Variants in MEI4 observed in about 807,000 individuals in gnomAD.
The protein encoded by MEI4 is meiotic double-stranded break formation protein 4.
Under a neutral mutation model 31.4 loss-of-function variants are expected in MEI4, and 27 were observed. The observed-to-expected ratio is 0.86, with a 90% CI of 0.63 to 1.19. The LOEUF (loss-of-function observed/expected upper bound fraction) is 1.19, where lower values mean the gene tolerates loss of function less well. Among genes scored for constraint, MEI4 ranks in the 50% most tolerant of loss-of-function variants. MEI4 has a pLI of 0.00. For missense variants in MEI4, 329 were observed against 398.9 expected (o/e 0.82, Z 1.49); for synonymous variants, 122 against 145.4 (o/e 0.84, Z 1.16).
intron 4 of MEI4, among the ~76,000 whole-genome samples, chr6:77,837,371 G>C (rs1274453660): frequency 1.3e-5 from 2 of 152,144 alleles, no homozygotes; most frequent in Admixed American, 1.3e-4. Context: ...AATTAACCAG[G>C]AGGATGCAGT....
intron 3 of MEI4, among the ~76,000 whole-genome samples, chr6:77,804,157 A>C (rs1315791441): frequency 6.6e-6 from 1 of 152,054 alleles, no homozygotes; most frequent in African/African-American, 2.4e-5. Flanking sequence ...TTACCTACTC[A>C]AGCCTCAGCA....
chr6:77,904,169 A>C (rs980044536), intron 4 of MEI4, among the ~76,000 whole-genome samples: 3 of 151,830 alleles, frequency 2.0e-5, no homozygotes, highest in Non-Finnish European at 2.9e-5. Flanking sequence ...CCCTAGTGTT[A>C]TGCTTTGAAT....
intron 3 of MEI4, among the ~76,000 whole-genome samples, chr6:77,815,694 G>A (rs1244633297): frequency 6.6e-6 from 1 of 152,094 alleles, no homozygotes; most frequent in African/African-American, 2.4e-5. Context: ...GAAGGCATGT[G>A]CTGGAATGTT....
intron 3 of MEI4, among the ~76,000 whole-genome samples, chr6:77,807,989 A>G (rs1769482050): frequency 6.6e-6 from 1 of 152,202 alleles, no homozygotes; most frequent in African/African-American, 2.4e-5. Flanking sequence ...CAGCAATACT[A>G]TGTCTAAGCA....
Position 77,698,496 on chromosome 6 carries a change from G to A in MEI4, c.232+7593G>A, listed in dbSNP as rs1000925468. The stretch of plus-strand genomic sequence containing the variant: ...AAAATCTCTCAGCATTTGCTTGTCT[G>A]TAAAGGATTTTATTTCTCCTTTGCT... On this transcript the variant is annotated intron_variant, in intron 2 of 4. Coordinates refer to ENST00000684080, the MANE Select transcript of MEI4 (RefSeq NM_001322247.2). Among the ~76,000 whole-genome samples the A allele has an allele frequency of 2.0e-5, 3 of 152,168 alleles. No individual in the cohort carries two copies. In the South Asian group the frequency reaches 6.2e-4, roughly 31 times the overall value.
chr6:77,814,218 G>C (rs1195560023), intron 3 of MEI4, among the ~76,000 whole-genome samples: 1 of 152,086 alleles, frequency 6.6e-6, no homozygotes, highest in Non-Finnish European at 1.5e-5. Flanking sequence ...ATGACTCTCA[G>C]CATAGTTTAG....
At chr6:77,704,086 G>A (rs180733666) in intron 2 of MEI4, among the ~76,000 whole-genome samples, 20 of 152,278 alleles carry the variant, frequency 1.3e-4, no homozygotes, top group South Asian at 6.2e-4. Flanking sequence ...AATACAGAGC[G>A]CAAGTGGAAA....
intron 1 of MEI4, among the ~76,000 whole-genome samples, chr6:77,665,703 G>T (rs1424477141): frequency 1.3e-5 from 2 of 152,170 alleles, no homozygotes; most frequent in Non-Finnish European, 2.9e-5. Flanking sequence ...GGAGTTTTGG[G>T]TCCACAGATA....
chr6:77,651,360 G>C (rs536637517), upstream of MEI4, among the ~76,000 whole-genome samples: 246 of 152,284 alleles, frequency 1.6e-3, no homozygotes, highest in Middle Eastern at 3.4e-3. Flanking sequence ...GAAAAGCTTT[G>C]AATGGTTTTA....
At chr6:77,866,184 C>G (rs1198245944) in intron 4 of MEI4, among the ~76,000 whole-genome samples, 4 of 151,934 alleles carry the variant, frequency 2.6e-5, no homozygotes, top group Non-Finnish European at 5.9e-5. Flanking sequence ...CAGGGATGCC[C>G]TCTCTCACCA....
intron 4 of MEI4, among the ~76,000 whole-genome samples, chr6:77,831,381 C>A (rs1770075887): frequency 6.6e-6 from 1 of 151,668 alleles, no homozygotes; most frequent in South Asian, 2.1e-4. Flanking sequence ...ACCATATGAT[C>A]CAAGAATCCC....
intron 3 of MEI4, among the ~76,000 whole-genome samples, chr6:77,805,134 T>C (rs1002628912): frequency 1.3e-5 from 2 of 152,112 alleles, no homozygotes; most frequent in Admixed American, 1.3e-4. Context: ...AGAGAAAAAA[T>C]ACCTTTGGGT....
intron 2 of MEI4, among the ~76,000 whole-genome samples, chr6:77,715,656 AG>A (rs1355078252): frequency 6.6e-6 from 1 of 152,102 alleles, no homozygotes; most frequent in African/African-American, 2.4e-5. Context: ...GTACTTACAG[AG>A]TTCTCATTTG....
chr6:77,779,188 A>C (rs1768531755), intron 3 of MEI4, among the ~76,000 whole-genome samples: 1 of 152,188 alleles, frequency 6.6e-6, no homozygotes, highest in Non-Finnish European at 1.5e-5. Flanking sequence ...AAAGAAGTTA[A>C]AGAATTGGAG....
At chr6:77,710,681 G>C (rs1219977942) in intron 2 of MEI4, among the ~76,000 whole-genome samples, 1 of 152,152 alleles carries the variant, frequency 6.6e-6, no homozygotes, top group Non-Finnish European at 1.5e-5. Context: ...GTTCTAGGCA[G>C]TGACTCTCAA....
chr6:77,736,398 C>T (rs1767220930), intron 2 of MEI4, among the ~76,000 whole-genome samples: 1 of 152,064 alleles, frequency 6.6e-6, no homozygotes, highest in African/African-American at 2.4e-5. Flanking sequence ...CCCGATTTTC[C>T]AGGTGCCATC....
chr6:77,841,492 A>C (rs1397264452), intron 4 of MEI4, among the ~76,000 whole-genome samples: 1 of 151,004 alleles, frequency 6.6e-6, no homozygotes, highest in Non-Finnish European at 1.5e-5. Context: ...AGAGTGTGCC[A>C]CTACTCGTGG....
intron 4 of MEI4, among the ~76,000 whole-genome samples, chr6:77,904,358 T>C (rs1766247540): frequency 6.6e-6 from 1 of 152,084 alleles, no homozygotes; most frequent in Admixed American, 6.6e-5. Flanking sequence ...GTTTATTACG[T>C]GGGTAAATTG....
chr6:77,919,641 C>G (rs1218654810), intron 4 of MEI4, among the ~76,000 whole-genome samples: 1 of 150,516 alleles, frequency 6.6e-6, no homozygotes, highest in Non-Finnish European at 1.5e-5. Context: ...CAAGAAATAA[C>G]TAAAATCAGA....
Sources: gnomAD v4.1 joint callset for allele counts (sites outside exome capture counted in the v4.1 genomes callset) on GRCh38, gnomAD v4.1.1 for gene constraint, MANE v1.5 for transcripts, NCBI Gene and HGNC (gene_info 2026-07-23, HGNC 2026-07-21) for gene names.